Variants in TANK observed in about 807,000 individuals in gnomAD.
TANK encodes TRAF family member-associated NF-kappa-B activator.
TANK carries 15 observed loss-of-function variants against 43.6 expected under a neutral mutation model. That is an observed-to-expected ratio of 0.34 (90% CI 0.23 to 0.53). The LOEUF (loss-of-function observed/expected upper bound fraction) is 0.53, where lower values mean the gene tolerates loss of function less well. TANK is among the 20% of genes least tolerant of loss of function. The probability of loss-of-function intolerance (pLI) is 0.94; values close to 1 mark genes in which losing one functional copy is unlikely to be tolerated. For missense variants in TANK, 417 were observed against 498.6 expected, an observed-to-expected ratio of 0.84 and a Z score of 1.56; for synonymous variants, 162 against 178.2, an observed-to-expected ratio of 0.91 and a Z score of 0.73.
intron 1 of TANK, among the ~76,000 whole-genome samples, chr2:161,146,971 T>C (rs1683927915): frequency 6.6e-6 from 1 of 152,140 alleles, no homozygotes; most frequent in African/African-American, 2.4e-5. Flanking sequence ...CCCCTCCCCC[T>C]AGGGGCTCAG....
chr2:161,200,287 C>T lies in TANK; in HGVS notation c.100-3200C>T, dbSNP rs1266177778. The T allele has an allele frequency of 1.1e-5, 10 of 914,840 alleles. No individual in the cohort carries two copies. In the East Asian group the frequency reaches 4.7e-4, roughly 43 times the overall value. 56.7% of individuals were successfully genotyped at this position (914,840 alleles called of 1,614,324 possible). A position where few individuals can be genotyped will look rare whatever the true frequency, so the allele number is the denominator to read the frequency against. ...GGGTCTTTGATAGTGCTAGAATGTA[C>T]TTGCTTTGTAATTGTATTTTAAAAA... On this transcript the variant is annotated intron_variant, in intron 2 of 7. Coordinates refer to ENST00000392749, the MANE Select transcript of TANK (RefSeq NM_001199135.3).
At chr2:161,187,210 G>A (rs769198355) in intron 2 of TANK, among the ~76,000 whole-genome samples, 1 of 152,144 alleles carries the variant, frequency 6.6e-6, no homozygotes, top group Admixed American at 6.6e-5. Context: ...TGGGTCGTTT[G>A]AGCACAGGAG....
Position 161,203,610 on chromosome 2 carries a change from AT to A in TANK, c.208+21del. 6.5e-7 allele frequency: 1 copy of A among 1,532,784 alleles called. No homozygotes were observed. Among genetic ancestry groups the A allele is most frequent in the Non-Finnish European group, 9.0e-7 (1 of 1,117,270 alleles). The allele number at this position is 1,532,784 out of a possible 1,614,324, so 94.9% of individuals were successfully genotyped here. On this transcript the variant is annotated intron_variant, in intron 3 of 7. Transcript: ENST00000392749. ...TTCCACTCAAGGTATGTTCATGTTA[AT>A]TTTTTATGTATTTCTAGAACCTCTT...
At chr2:161,152,532 T>C (rs988670922) in intron 1 of TANK, among the ~76,000 whole-genome samples, 1 of 152,206 alleles carries the variant, frequency 6.6e-6, no homozygotes, top group Non-Finnish European at 1.5e-5. Flanking sequence ...CCCTTGCACA[T>C]AATGTGTCAC....
chr2:161,187,428 CAAAAA>C (rs1228085802), intron 2 of TANK, among the ~76,000 whole-genome samples: 3 of 151,704 alleles, frequency 2.0e-5, no homozygotes, highest in Admixed American at 6.6e-5. Context: ...GAGCCTGTCT[CAAAAA>C]TAAAAGAACA....
chr2:161,158,840 T>C (rs575955414), upstream of TANK, among the ~76,000 whole-genome samples: 163 of 152,260 alleles, frequency 1.1e-3, 3 homozygotes, highest in South Asian at 0.033. Context: ...CAAAGAACAC[T>C]TAAAACTCAA....
At chr2:161,191,155 A>G (rs1218969190) in intron 2 of TANK, among the ~76,000 whole-genome samples, 1 of 152,204 alleles carries the variant, frequency 6.6e-6, no homozygotes, top group Non-Finnish European at 1.5e-5. Flanking sequence ...AGTATGCTGT[A>G]TCCATTAAGG....
chr2:161,181,704 C>T (rs2105299890), intron 2 of TANK, among the ~76,000 whole-genome samples: 1 of 152,250 alleles, frequency 6.6e-6, no homozygotes. Context: ...AAATCCGCCT[C>T]CATGATCCAG....
intron 1 of TANK, among the ~76,000 whole-genome samples, chr2:161,167,661 C>T (rs1202598857): frequency 1.3e-5 from 2 of 151,954 alleles, no homozygotes; most frequent in Non-Finnish European, 2.9e-5. Context: ...CTCTCTCTGT[C>T]ACCCAGGCTG....
chr2:161,231,696 C>G (rs1559012701), intron 7 of TANK, 145 bp downstream of exon 7: 1 of 730,920 alleles, frequency 1.4e-6, no homozygotes, highest in Non-Finnish European at 2.2e-6. Flanking sequence ...AAAACAAGTC[C>G]CATAATAAAT....
In TANK at chr2:161,231,084, G is replaced by T; in HGVS notation, c.634G>T (p.Val212Phe). ...INRGAPSITS[V>F]TPRGLCRDEE... ...TAGAGGTGCACCATCCATCACATCT[G>T]TCACACCAAGAGGACTGTGCAGAGA... Residue 212 changes from valine (V) to phenylalanine (F), a missense_variant, in exon 7 of 8, where the codon GTC becomes TTC. Val to Phe is a conservative substitution (Grantham distance 50). Transcript: ENST00000392749. The T allele has an allele frequency of 6.2e-7, 1 of 1,614,124 alleles. No individual in the cohort carries two copies. Among genetic ancestry groups the T allele is most frequent in the Non-Finnish European group, 8.5e-7 (1 of 1,180,004 alleles).
chr2:161,183,002 A>T (rs1685498555), intron 2 of TANK, among the ~76,000 whole-genome samples: 2 of 152,164 alleles, frequency 1.3e-5, no homozygotes, highest in South Asian at 4.1e-4. Flanking sequence ...AAAGACTATA[A>T]CAAGAGTTGT....
chr2:161,172,119 A>G (rs1256524625), intron 1 of TANK, among the ~76,000 whole-genome samples: 1 of 152,204 alleles, frequency 6.6e-6, no homozygotes, highest in African/African-American at 2.4e-5. Flanking sequence ...TAACATTTCT[A>G]CATATTGGAT....
chr2:161,174,343 AC>A lies in TANK; in HGVS notation c.-49-5270del, dbSNP rs1685085327. On this transcript the variant is annotated intron_variant, in intron 1 of 7. Coordinates refer to ENST00000392749, the MANE Select transcript of TANK (RefSeq NM_001199135.3). Reference sequence around the variant, plus strand: ...AATTTTCACAGTATTACTTGTAATCACATATTTTTCATATCACATATTTTTA... The same window carrying A: ...AATTTTCACAGTATTACTTGTAATCAATATTTTTCATATCACATATTTTTA... Among the ~76,000 whole-genome samples the A allele has an allele frequency of 5.9e-5, 9 of 152,278 alleles. No homozygotes were observed. The South Asian group carries it at 1.9e-3, about 32-fold the overall frequency.
intron 2 of TANK, among the ~76,000 whole-genome samples, chr2:161,186,115 G>C (rs1044344857): frequency 2.0e-5 from 3 of 152,080 alleles, no homozygotes; most frequent in African/African-American, 7.2e-5. Context: ...GGAGATTGAG[G>C]GAGTTTGAGG....
intron 4 of TANK, 116 bp from the exon 5 acceptor site, chr2:161,223,799 G>A: frequency 1.6e-6 from 1 of 630,242 alleles, no homozygotes; most frequent in Non-Finnish European, 2.8e-6. Context: ...GCTGTCTCAA[G>A]TTATTTTTCA....
intron 4 of TANK, among the ~76,000 whole-genome samples, chr2:161,220,149 A>C (rs917788157): frequency 6.6e-6 from 1 of 152,248 alleles, no homozygotes; most frequent in Non-Finnish European, 1.5e-5. Flanking sequence ...ACTAAAGTTT[A>C]AAGGGAGTCT....
chr2:161,149,328 T>C (rs1684006728), intron 1 of TANK, among the ~76,000 whole-genome samples: 1 of 152,178 alleles, frequency 6.6e-6, no homozygotes, highest in African/African-American at 2.4e-5. Context: ...TTTTGAGTGT[T>C]TATATCATAC....
Position 161,231,497 on chromosome 2 carries a change from T to C in TANK, c.1047T>C (p.Asp349=), listed in dbSNP as rs751928041. The C allele has an allele frequency of 5.0e-6, 8 of 1,613,708 alleles. No homozygotes were observed. The highest frequency in any genetic ancestry group is 3.3e-5 in the Admixed American group (2 of 60,024). The change falls in exon 7 of 8, where the codon GAT becomes GAC. Residue 349 remains aspartate (D), a synonymous_variant. Coordinates refer to ENST00000392749, the MANE Select transcript of TANK (RefSeq NM_001199135.3). ...VNSFPLLDPS[D]APFPSLDSPG... ...GCTTCCCACTTCTGGACCCATCTGA[T>C]GCACCTTTTCCCTCACTCGATTCCC...
Sources: allele counts gnomAD v4.1 joint callset (sites outside exome capture counted in the v4.1 genomes callset), GRCh38; gene constraint gnomAD v4.1.1; transcripts MANE v1.5; gene names NCBI Gene and HGNC (gene_info 2026-07-23, HGNC 2026-07-21).